The following SLC2A9 variants were observed in gnomAD, a reference collection of about 807,000 sequenced individuals.
SLC2A9 encodes solute carrier family 2, facilitated glucose transporter member 9.
In SLC2A9, 39 loss-of-function variants were observed where a neutral mutation model predicts 50.6. That is an observed-to-expected ratio of 0.77 (90% CI 0.60 to 1.01). SLC2A9 has a LOEUF of 1.01. Ranked by LOEUF, SLC2A9 falls within the 50% of genes least tolerant of loss-of-function variation. SLC2A9 has a pLI of 0.00. For missense variants in SLC2A9, 686 were observed against 677.6 expected (o/e 1.01, Z -0.14); for synonymous variants, 324 against 276.9 (o/e 1.17, Z -1.69).
chr4:9,939,363 G>A (rs1178488907), intron 6 of SLC2A9, among the ~76,000 whole-genome samples: 1 of 152,174 alleles, frequency 6.6e-6, no homozygotes, highest in African/African-American at 2.4e-5. Flanking sequence ...TGTGTTTTGG[G>A]TGTTTTGTTA....
At chr4:9,782,300 G>C (rs761830697) in intron 3 of SLC2A9, 41 of 1,613,902 alleles carry the variant, frequency 2.5e-5, no homozygotes, top group Non-Finnish European at 3.2e-5. Flanking sequence ...CCTTTTCGTG[G>C]CGCTGCTGGT....
intron 5 of SLC2A9, among the ~76,000 whole-genome samples, chr4:9,943,573 G>A (rs1306493624): frequency 6.6e-6 from 1 of 152,196 alleles, no homozygotes; most frequent in Non-Finnish European, 1.5e-5. Flanking sequence ...CTGGAATTAG[G>A]GAAGGCCGAT....
At chr4:9,957,853 A>G (rs1751572418) in intron 5 of SLC2A9, among the ~76,000 whole-genome samples, 1 of 152,196 alleles carries the variant, frequency 6.6e-6, no homozygotes, top group African/African-American at 2.4e-5. Flanking sequence ...GAAAGGAGCA[A>G]GAATAGAAAA....
intron 7 of SLC2A9, among the ~76,000 whole-genome samples, chr4:9,911,058 T>C (rs1741678055): frequency 6.6e-6 from 1 of 151,988 alleles, no homozygotes; most frequent in Non-Finnish European, 1.5e-5. Context: ...AGATGACAGG[T>C]TGATGGGTGC....
rs1159746629 is a variant in SLC2A9 at position 9,864,258 on chromosome 4, C to T, written c.1291+23309G>A. ...CCCCTGGCACATCCAGTGTGATGCCCTCTCAGAACCAGTTTTCTTCTGGAA... is the reference window on the plus strand; with the variant it reads ...CCCCTGGCACATCCAGTGTGATGCCTTCTCAGAACCAGTTTTCTTCTGGAA... On this transcript the variant is annotated intron_variant, in intron 10 of 11. Coordinates refer to ENST00000264784, the MANE Select transcript of SLC2A9 (RefSeq NM_020041.3). Among the ~76,000 whole-genome samples, 2 of 152,098 alleles carry T rather than the reference C, an allele frequency of 1.3e-5. 1 individual carries two copies. Among genetic ancestry groups the T allele is most frequent in the African/African-American group, 4.8e-5 (2 of 41,346 alleles).
chr4:9,907,332 G>A (rs902341857), intron 8 of SLC2A9, among the ~76,000 whole-genome samples: 4 of 152,326 alleles, frequency 2.6e-5, no homozygotes, highest in Middle Eastern at 3.4e-3. Context: ...AGAAGTGCCG[G>A]AGCCAGGATT....
intron 10 of SLC2A9, among the ~76,000 whole-genome samples, chr4:9,848,298 G>T (rs1445497587): frequency 6.6e-6 from 1 of 151,538 alleles, no homozygotes; most frequent in Non-Finnish European, 1.5e-5. Context: ...GCCCAACCAG[G>T]TAGCCAGCAT....
intron 7 of SLC2A9, among the ~76,000 whole-genome samples, chr4:9,914,484 C>T (rs916234057): frequency 6.6e-6 from 1 of 152,228 alleles, no homozygotes; most frequent in Non-Finnish European, 1.5e-5. Flanking sequence ...GGACCAGTTG[C>T]ACCCCGACTA....
At chr4:9,947,661 A>G (rs77866440) in intron 5 of SLC2A9, among the ~76,000 whole-genome samples, 1,981 of 152,162 alleles carry the variant, frequency 0.013, 49 homozygotes, top group African/African-American at 0.044. Flanking sequence ...AAACCCACCA[A>G]TCCAAAGTCT....
At chr4:10,005,021 A>G (rs1202517094) in intron 2 of SLC2A9, among the ~76,000 whole-genome samples, 1 of 152,182 alleles carries the variant, frequency 6.6e-6, no homozygotes, top group Non-Finnish European at 1.5e-5. Flanking sequence ...GTATCTTTCT[A>G]TCTGACTTTA....
downstream of SLC2A9, among the ~76,000 whole-genome samples, chr4:9,775,343 C>A (rs56095448): frequency 5.3e-5 from 8 of 152,120 alleles, no homozygotes; most frequent in East Asian, 1.2e-3. Flanking sequence ...GCCTCAGCCC[C>A]CATGCAGCAT....
chr4:9,954,923 T>G (rs6449155), intron 5 of SLC2A9, among the ~76,000 whole-genome samples: 73,336 of 151,916 alleles, frequency 0.48, 19,094 homozygotes, highest in African/African-American at 0.67. Flanking sequence ...CTGGTGATCA[T>G]AAGCTTCCCG....
chr4:9,985,852 G>C, intron 3 of SLC2A9, 59 bp from the exon 4 acceptor site: 2 of 1,611,682 alleles, frequency 1.2e-6, no homozygotes, highest in Non-Finnish European at 1.7e-6. Context: ...TCACTGAACT[G>C]TCCATCCCAG....
chr4:9,897,464 A>T (rs997464885), intron 8 of SLC2A9, among the ~76,000 whole-genome samples: 1 of 151,932 alleles, frequency 6.6e-6, no homozygotes, highest in African/African-American at 2.4e-5. Context: ...TTTTTAGGTG[A>T]TTCAGTTAAA....
At chr4:9,820,330 T>G (rs1724228879) in intron 3 of SLC2A9, among the ~76,000 whole-genome samples, 1 of 152,218 alleles carries the variant, frequency 6.6e-6, no homozygotes, top group Non-Finnish European at 1.5e-5. Flanking sequence ...GTCTATACTT[T>G]CACCAATATT....
intron 1 of SLC2A9, among the ~76,000 whole-genome samples, chr4:9,771,922 G>T (rs1304323915): frequency 6.6e-6 from 1 of 152,226 alleles, no homozygotes; most frequent in African/African-American, 2.4e-5. Context: ...GACAGCGTTG[G>T]AATGGGTGGA....
At chr4:9,987,088 C>A (rs1322429468) in intron 3 of SLC2A9, among the ~76,000 whole-genome samples, 2 of 152,144 alleles carry the variant, frequency 1.3e-5, no homozygotes, top group African/African-American at 2.4e-5. Context: ...AACAAGTTAA[C>A]TAGGTTGCTG....
rs1751035194 is a variant in SLC2A9, at chr4:9,955,289, G to C, written c.682-13244C>G. ...GGGTGGATCACGAGGTCAGGAGATC[G>C]AGACCATCCTGGCTAACACGGTGAA... On this transcript the variant is annotated intron_variant, in intron 5 of 11. Coordinates refer to ENST00000264784, the MANE Select transcript of SLC2A9 (RefSeq NM_020041.3). Among the ~76,000 whole-genome samples, 2 of 109,868 alleles carry C rather than the reference G, an allele frequency of 1.8e-5. 1 individual carries two copies. Among genetic ancestry groups the C allele is most frequent in the African/African-American group, 9.3e-5 (2 of 21,428 alleles). 72.1% of individuals were successfully genotyped at this position (109,868 alleles called of 152,430 possible). A position where few individuals can be genotyped will look rare whatever the true frequency, so the allele number is the denominator to read the frequency against.
intron 3 of SLC2A9, 103 bp from the exon 4 acceptor site, chr4:9,985,896 G>A: frequency 6.6e-7 from 1 of 1,525,492 alleles, no homozygotes; most frequent in South Asian, 1.1e-5. Flanking sequence ...AGGGTGAGTA[G>A]AGCAAGACTC....
Sources: allele counts gnomAD v4.1 joint callset (sites outside exome capture counted in the v4.1 genomes callset), GRCh38; gene constraint gnomAD v4.1.1; transcripts MANE v1.5; gene names NCBI Gene and HGNC (gene_info 2026-07-23, HGNC 2026-07-21).